Variants in PCDH11X observed in about 807,000 individuals in gnomAD.
PCDH11X encodes the protein protocadherin 11 X-linked, also known as protocadherin-11 X-linked.
PCDH11X carries 18 observed loss-of-function variants against 53.3 expected under a neutral mutation model. The ratio of observed to expected loss-of-function variants is 0.34; its 90% CI spans 0.23 to 0.50. The LOEUF (loss-of-function observed/expected upper bound fraction) is 0.50, where lower values mean the gene tolerates loss of function less well. Ranked by LOEUF, PCDH11X falls within the 20% of genes least tolerant of loss-of-function variation. The pLI is 0.98. For missense variants in PCDH11X, 570 were observed against 1,032.4 expected (o/e 0.55, Z 6.14); for synonymous variants, 279 against 393.3 (o/e 0.71, Z 3.44).
intron 8 of PCDH11X, among the ~76,000 whole-genome samples, chrX:92,276,312 G>A (rs747791393): frequency 5.6e-5 from 6 of 107,144 alleles, no homozygotes; most frequent in East Asian, 5.9e-4. Flanking sequence ...CTTCCGAGGC[G>A]ATCGGGCAGC....
chrX:92,015,771 G>A (rs1375963602), intron 6 of PCDH11X, among the ~76,000 whole-genome samples: 2 of 111,405 alleles, frequency 1.8e-5, no homozygotes, highest in Non-Finnish European at 3.8e-5. Context: ...CATGAGCGGG[G>A]GAATCACCTT....
At chrX:91,850,491 A>G (rs1392434070) in intron 5 of PCDH11X, among the ~76,000 whole-genome samples, 31 of 111,697 alleles carry the variant, frequency 2.8e-4, no homozygotes, top group African/African-American at 9.7e-4. Flanking sequence ...GCTCTGATAT[A>G]TTAGAACTTT....
At chrX:91,804,631 T>C (rs937795272) in intron 1 of PCDH11X, among the ~76,000 whole-genome samples, 1 of 110,677 alleles carries the variant, frequency 9.0e-6, no homozygotes, top group African/African-American at 3.3e-5. Context: ...TCAGAGAGGG[T>C]ATAGTTCAAA....
intron 6 of PCDH11X, among the ~76,000 whole-genome samples, chrX:91,887,232 T>C (rs1303585252): frequency 2.7e-5 from 3 of 110,463 alleles, no homozygotes; most frequent in Admixed American, 1.9e-4. Context: ...AGTAATCTTA[T>C]ATAAATCTAA....
chrX:91,809,353 A>G (rs1334119186), intron 1 of PCDH11X, among the ~76,000 whole-genome samples, 113 bp from the exon 2 acceptor site: 4 of 110,722 alleles, frequency 3.6e-5, no homozygotes, highest in African/African-American at 6.6e-5. Context: ...CGGTACTATC[A>G]TATCACTTTG....
chrX:91,781,191 T>G (rs1935126649), intron 1 of PCDH11X, among the ~76,000 whole-genome samples: 1 of 111,905 alleles, frequency 8.9e-6, no homozygotes, highest in Admixed American at 9.4e-5. Context: ...AAATAAAAAT[T>G]TTTAAAGTGT....
intron 8 of PCDH11X, among the ~76,000 whole-genome samples, chrX:92,266,699 C>T (rs1480788242): frequency 9.0e-6 from 1 of 110,653 alleles, no homozygotes; most frequent in East Asian, 2.8e-4. Context: ...CAAATTTCAA[C>T]ACATGGCCAC....
chrX:92,022,563 T>A (rs2062903112), intron 6 of PCDH11X, among the ~76,000 whole-genome samples: 1 of 102,318 alleles, frequency 9.8e-6, no homozygotes, highest in African/African-American at 3.8e-5. Context: ...AGACTTGGAC[T>A]GACACACAAT....
chrX:92,007,559 T>C (rs1422067745), intron 6 of PCDH11X, among the ~76,000 whole-genome samples: 3 of 111,894 alleles, frequency 2.7e-5, no homozygotes, highest in Non-Finnish European at 5.6e-5. Context: ...AAGGGTCAAG[T>C]CCTGTAATCA....
At chrX:91,846,478 C>T (rs756532218) in intron 5 of PCDH11X, among the ~76,000 whole-genome samples, 3 of 109,616 alleles carry the variant, frequency 2.7e-5, no homozygotes, top group South Asian at 4.0e-4. Context: ...ATTAGCCGGG[C>T]GTGGTCGCGG....
At chrX:91,909,452 C>T (rs1941302124) in intron 6 of PCDH11X, among the ~76,000 whole-genome samples, 1 of 107,587 alleles carries the variant, frequency 9.3e-6, no homozygotes, top group Non-Finnish European at 1.9e-5. Flanking sequence ...AATTGAAAAT[C>T]CATTAAAAAC....
intron 8 of PCDH11X, among the ~76,000 whole-genome samples, chrX:92,311,101 A>C (rs140752629): frequency 0.011 from 1,225 of 111,764 alleles, 21 homozygotes; most frequent in African/African-American, 0.038. Flanking sequence ...ACTTTGATAT[A>C]TAAAACATTT....
intron 5 of PCDH11X, among the ~76,000 whole-genome samples, chrX:91,865,661 A>G (rs1459302683): frequency 8.9e-6 from 1 of 111,818 alleles, no homozygotes; most frequent in Non-Finnish European, 1.9e-5. Context: ...AAAACCTTAG[A>G]AGTCTCCCTG....
At chrX:91,891,011 G>A (rs1208549298) in intron 6 of PCDH11X, among the ~76,000 whole-genome samples, 1 of 102,454 alleles carries the variant, frequency 9.8e-6, no homozygotes, top group Non-Finnish European at 2.0e-5. Flanking sequence ...GGTAGAGTTA[G>A]TACTAAGAAC....
intron 6 of PCDH11X, among the ~76,000 whole-genome samples, chrX:92,077,634 A>G (rs867399971): frequency 1.0e-5 from 1 of 97,150 alleles, no homozygotes; most frequent in African/African-American, 5.0e-5. Flanking sequence ...GGAAGGAAGG[A>G]AGGAAGGAAG....
intron 9 of PCDH11X, among the ~76,000 whole-genome samples, chrX:92,426,823 T>G (rs901331056): frequency 9.0e-5 from 10 of 111,018 alleles, no homozygotes; most frequent in Non-Finnish European, 1.7e-4. Flanking sequence ...GAGTTGATTT[T>G]ATCCAATGTT....
chrX:92,401,298 A>G (rs1179931488), intron 9 of PCDH11X, among the ~76,000 whole-genome samples: 1 of 109,312 alleles, frequency 9.1e-6, no homozygotes, highest in Non-Finnish European at 1.9e-5. Flanking sequence ...AATATTGAAT[A>G]TATTGAAGAT....
intron 8 of PCDH11X, among the ~76,000 whole-genome samples, chrX:92,342,330 AC>A (rs1416699711): frequency 9.1e-6 from 1 of 110,204 alleles, no homozygotes; most frequent in Non-Finnish European, 1.9e-5. Flanking sequence ...CTACCATTCA[AC>A]CTAGCAACCC....
At chrX:92,092,208 C>T (rs35282904) in intron 6 of PCDH11X, among the ~76,000 whole-genome samples, 1 of 111,224 alleles carries the variant, frequency 9.0e-6, no homozygotes, top group Non-Finnish European at 1.9e-5. Flanking sequence ...GGTAGTTTGA[C>T]GTGGTTGTAT....
Sources: gnomAD v4.1 joint callset for allele counts (sites outside exome capture counted in the v4.1 genomes callset) on GRCh38, gnomAD v4.1.1 for gene constraint, MANE v1.5 for transcripts, NCBI Gene and HGNC (gene_info 2026-07-23, HGNC 2026-07-21) for gene names.